The following TMEM132B variants were observed in gnomAD, a reference collection of about 807,000 sequenced individuals.
The protein encoded by TMEM132B is transmembrane protein 132B.
Under a neutral mutation model 90.8 loss-of-function variants are expected in TMEM132B, and 18 were observed. The ratio of observed to expected loss-of-function variants is 0.20; its 90% CI spans 0.14 to 0.29. TMEM132B has a LOEUF of 0.29. TMEM132B is among the 10% of genes least tolerant of loss of function. TMEM132B has a pLI of 1.00. For missense variants in TMEM132B, 1,096 were observed against 1,326.8 expected (o/e 0.83, Z 2.70); for synonymous variants, 504 against 523.3 (o/e 0.96, Z 0.50).
intron 3 of TMEM132B, among the ~76,000 whole-genome samples, chr12:125,438,546 T>G (rs1420473562): frequency 1.3e-5 from 2 of 152,242 alleles, no homozygotes; most frequent in African/African-American, 4.8e-5. Flanking sequence ...GTAGAGGATA[T>G]TGTAGCAAAC....
chr12:125,424,211 C>T lies in TMEM132B; in HGVS notation c.1106+8534C>T, dbSNP rs146521385. Among the ~76,000 whole-genome samples, 342 of 152,170 alleles carry T rather than the reference C, an allele frequency of 2.2e-3. 2 individuals carry two copies. Among genetic ancestry groups the T allele is most frequent in the African/African-American group, 7.6e-3 (317 of 41,516 alleles). On this transcript the variant is annotated intron_variant, in intron 3 of 8. Coordinates refer to ENST00000682704, the MANE Select transcript of TMEM132B (RefSeq NM_001366854.1). Reference sequence around the variant, plus strand: ...TTTTTTCTTTTGAAGCATAAAATGTCTGTCAAATATCTTTGTAGATAAATC... The same window carrying T: ...TTTTTTCTTTTGAAGCATAAAATGTTTGTCAAATATCTTTGTAGATAAATC...
chr12:125,655,010 T>C lies in TMEM132B; in HGVS notation c.*300T>C. The C allele has an allele frequency of 7.2e-6, 2 of 279,028 alleles. No individual in the cohort carries two copies. The highest frequency in any genetic ancestry group is 1.4e-4 in the East Asian group (2 of 14,592). 17.3% of individuals were successfully genotyped at this position (279,028 alleles called of 1,614,324 possible). A position where few individuals can be genotyped will look rare whatever the true frequency, so the allele number is the denominator to read the frequency against. On this transcript the variant is annotated 3_prime_UTR_variant, in exon 9 of 9. Transcript: ENST00000682704. ...AACCTGACCCCACAGACATTGTTAG[T>C]CATCTCGTGACAAATGGCCATGTGG...
chr12:125,233,653 A>G (rs1873871486), intron 1 of TMEM132B, among the ~76,000 whole-genome samples: 1 of 152,248 alleles, frequency 6.6e-6, no homozygotes, highest in African/African-American at 2.4e-5. Context: ...GGATGTTGGC[A>G]TAGGCAATTG....
chr12:125,282,513 C>A (rs112286347), intron 1 of TMEM132B, among the ~76,000 whole-genome samples: 2,308 of 152,320 alleles, frequency 0.015, 60 homozygotes, highest in African/African-American at 0.053. Flanking sequence ...TCTCATGGCA[C>A]CTCATGTGGG....
intron 5 of TMEM132B, among the ~76,000 whole-genome samples, chr12:125,610,783 G>C (rs1176456606): frequency 6.6e-6 from 1 of 152,000 alleles, no homozygotes; most frequent in Non-Finnish European, 1.5e-5. Context: ...AGTTGGATTG[G>C]TTTTCTATTA....
intron 3 of TMEM132B, among the ~76,000 whole-genome samples, chr12:125,505,216 A>G (rs1011259754): frequency 6.9e-6 from 1 of 144,204 alleles, no homozygotes; most frequent in African/African-American, 2.6e-5. Context: ...GGACTTGTGC[A>G]AAGGTGACCC....
At chr12:125,386,507 ATT>A (rs1174798013) in intron 2 of TMEM132B, among the ~76,000 whole-genome samples, 3 of 152,206 alleles carry the variant, frequency 2.0e-5, no homozygotes, top group African/African-American at 4.8e-5. Flanking sequence ...ACATGAGCAA[ATT>A]AGTAGATTCT....
chr12:125,552,574 C>T (rs1884257573), intron 4 of TMEM132B, among the ~76,000 whole-genome samples: 2 of 152,172 alleles, frequency 1.3e-5, no homozygotes, highest in East Asian at 3.9e-4. Context: ...CAAAAGCTAC[C>T]TCATCACACT....
intron 1 of TMEM132B, among the ~76,000 whole-genome samples, chr12:125,307,856 AT>A (rs1876028863): frequency 6.4e-5 from 1 of 15,608 alleles, no homozygotes; most frequent in Non-Finnish European, 1.4e-4. Context: ...ATACTTATAT[AT>A]TTATATATAC....
At chr12:125,603,425 C>T (rs1885615958) in intron 5 of TMEM132B, among the ~76,000 whole-genome samples, 2 of 152,166 alleles carry the variant, frequency 1.3e-5, no homozygotes, top group South Asian at 4.1e-4. Flanking sequence ...TGGATCCCTT[C>T]CTTACACCTT....
chr12:125,529,393 G>A (rs914109215), intron 4 of TMEM132B, among the ~76,000 whole-genome samples: 2 of 152,120 alleles, frequency 1.3e-5, no homozygotes, highest in Admixed American at 6.6e-5. Flanking sequence ...CACTGTGCCC[G>A]GCCTGAAACT....
rs76653006 is a variant in TMEM132B, at chr12:125,513,348, G to C, written c.1107-6091G>C. 5.5e-3 allele frequency among the ~76,000 whole-genome samples: 830 copies of C among 152,234 alleles called. 7 individuals are homozygous for C. Among genetic ancestry groups the C allele is most frequent in the African/African-American group, 0.019 (781 of 41,522 alleles). On this transcript the variant is annotated intron_variant, in intron 3 of 8. Coordinates refer to ENST00000682704, the MANE Select transcript of TMEM132B (RefSeq NM_001366854.1). ...TGTGCGTGTGCGTGTGCCTGTGTGC[G>C]TGTGTGCGTGTGAGAGACAGCGAGA...
chr12:125,532,091 G>A (rs893654039), intron 4 of TMEM132B, among the ~76,000 whole-genome samples: 2 of 152,202 alleles, frequency 1.3e-5, no homozygotes, highest in African/African-American at 4.8e-5. Flanking sequence ...GTGAACTGGA[G>A]TCAGCTCAGT....
chr12:125,485,241 C>T (rs1263160571), intron 3 of TMEM132B, among the ~76,000 whole-genome samples: 1 of 152,088 alleles, frequency 6.6e-6, no homozygotes, highest in Non-Finnish European at 1.5e-5. Flanking sequence ...CTATAAATGG[C>T]CTTCTATTTT....
In TMEM132B at chr12:125,407,696, T is replaced by C. The variant is rs574572850; in HGVS notation, c.960-7835T>C. ...GACAAGGCCAAAGCTCAGGTCACTC[T>C]TGTCGCTCAGAACCAAAGGGACCGC... is the stretch of plus-strand genomic sequence containing the variant. On this transcript the variant is annotated intron_variant, in intron 2 of 8. Coordinates refer to ENST00000682704, the MANE Select transcript of TMEM132B (RefSeq NM_001366854.1). This position sits in a 1 kb window ranked among gnomAD's most constrained non-coding sequence, Gnocchi z 6.7. Among the ~76,000 whole-genome samples, 7 of 152,298 alleles carry C rather than the reference T, an allele frequency of 4.6e-5. No homozygotes were observed. The East Asian group carries it at 9.7e-4, about 21-fold the overall frequency.
At chr12:125,216,238 G>T (rs1008898875) in intron 1 of TMEM132B, among the ~76,000 whole-genome samples, 2 of 152,190 alleles carry the variant, frequency 1.3e-5, no homozygotes, top group African/African-American at 2.4e-5. Context: ...TTCCTGGCTT[G>T]CAGATGGCAG....
intron 1 of TMEM132B, among the ~76,000 whole-genome samples, chr12:125,243,217 C>A (rs1874129033): frequency 6.6e-6 from 1 of 151,412 alleles, no homozygotes; most frequent in Admixed American, 6.6e-5. Flanking sequence ...GATCTTGGCT[C>A]ACTGCAACCT....
intron 5 of TMEM132B, among the ~76,000 whole-genome samples, chr12:125,638,029 C>T (rs1348727159): frequency 1.3e-5 from 2 of 152,192 alleles, no homozygotes; most frequent in Non-Finnish European, 2.9e-5. Context: ...ATAAAAAGTA[C>T]TGATGTGTGT....
intron 3 of TMEM132B, among the ~76,000 whole-genome samples, chr12:125,481,357 C>T (rs1882038155): frequency 6.6e-6 from 1 of 152,138 alleles, no homozygotes; most frequent in South Asian, 2.1e-4. Flanking sequence ...TTAGAAAACC[C>T]CATCATCTCA....
Sources: allele counts gnomAD v4.1 joint callset (sites outside exome capture counted in the v4.1 genomes callset), GRCh38; gene constraint gnomAD v4.1.1; non-coding constraint Gnocchi (gnomAD v3.1); transcripts MANE v1.5; gene names NCBI Gene and HGNC (gene_info 2026-07-23, HGNC 2026-07-21).